MAST1: variants seen among roughly 807,000 people sequenced by gnomAD.
The protein encoded by MAST1 is microtubule associated serine/threonine kinase 1, also known as microtubule-associated serine/threonine-protein kinase 1.
A neutral mutation model predicts 124.6 loss-of-function variants in MAST1; 40 were observed. The ratio of observed to expected loss-of-function variants is 0.32; its 90% confidence interval spans 0.25 to 0.42. The LOEUF (loss-of-function observed/expected upper bound fraction) is 0.42, where lower values mean the gene tolerates loss of function less well. Among genes scored for constraint, MAST1 ranks in the 10% least tolerant of loss-of-function variants. MAST1 has a pLI of 1.00. For missense variants in MAST1, 1,558 were observed against 2,181.9 expected (o/e 0.71, Z 5.70); for synonymous variants, 938 against 939.4 (o/e 1.00, Z 0.03).
Position 12,869,107 on chromosome 19 carries a change from C to T in MAST1, c.2815C>T (p.Pro939Ser), listed in dbSNP as rs1568414805. The change falls in exon 22 of 26, where the codon CCA (proline) becomes TCA (serine). Residue 939 changes from proline (P) to serine (S), a missense_variant. Transcript: ENST00000251472. ...GSSPLASPMS[P>S]RSLSSNPSSR... ...TTCACCCCTTGCTAGTCCCATGTCT[C>T]CACGATCTCTGTCCTCCAACCCATC... The T allele has an allele frequency of 6.2e-7, 1 of 1,614,236 alleles. No homozygotes were observed. The highest frequency in any genetic ancestry group is 1.1e-5 in the South Asian group (1 of 91,088).
intron 3 of MAST1, among the ~76,000 whole-genome samples, chr19:12,842,354 G>C (rs1969841335): frequency 6.6e-6 from 1 of 151,858 alleles, no homozygotes; most frequent in South Asian, 2.1e-4. Context: ...GTGCAATGGC[G>C]GGATCTCGGC....
In MAST1 at chr19:12,841,485, A is replaced by AG. The variant is rs1406608820; in HGVS notation, c.248+423dup. Among the ~76,000 whole-genome samples, 1 of 152,218 alleles carries AG rather than the reference A, an allele frequency of 6.6e-6. No individual in the cohort carries two copies. Among genetic ancestry groups the AG allele is most frequent in the African/African-American group, 2.4e-5 (1 of 41,468 alleles). On this transcript the variant is annotated intron_variant, in intron 3 of 25. Coordinates refer to ENST00000251472, the MANE Select transcript of MAST1 (RefSeq NM_014975.3). The surrounding 1 kb of genome is among the most constrained non-coding windows in gnomAD (Gnocchi z 4.3). ...GGAGGACGACTAGGGCTGTTTCTCA[A>AG]GGGGAGGAATCTCAGGTTTCTTTCC...
chr19:12,866,150 G>A lies in MAST1; in HGVS notation c.2029+48G>A, dbSNP rs1410706513. 1.9e-6 allele frequency: 3 copies of A among 1,596,378 alleles called. No individual in the cohort carries two copies. In the South Asian group the frequency reaches 3.3e-5, roughly 18 times the overall value. On this transcript the variant is annotated intron_variant, in intron 17 of 25. Coordinates refer to ENST00000251472, the MANE Select transcript of MAST1 (RefSeq NM_014975.3). The surrounding 1 kb of genome is among the most constrained non-coding windows in gnomAD (Gnocchi z 5.2). The stretch of plus-strand genomic sequence containing the variant: ...ACCTGGGTCGAGGGGTGGGATCCGG[G>A]AAGAGGGACCCTGGGGTAAGTAAAG...
In MAST1 at chr19:12,854,983, C is replaced by A. The variant is rs895423996; in HGVS notation, c.1077+2588C>A. Among the ~76,000 whole-genome samples the A allele has an allele frequency of 1.2e-4, 18 of 152,260 alleles. 1 individual carries two copies. Among genetic ancestry groups the A allele is most frequent in the Middle Eastern group, 3.4e-3 (1 of 294 alleles). ...TGATGGCTCACGGCTGTAATCCCAG[C>A]ACTTTGAGAGACTGCGGCGGGTGGA... On this transcript the variant is annotated intron_variant, in intron 10 of 25. Coordinates refer to ENST00000251472, the MANE Select transcript of MAST1 (RefSeq NM_014975.3).
At chr19:12,851,807 T>C (rs1195593039) in intron 7 of MAST1, 127 bp from the exon 8 acceptor site, 1 of 690,488 alleles carries the variant, frequency 1.4e-6, no homozygotes, top group African/African-American at 1.8e-5. Context: ...ACTGTGTGGC[T>C]TGGGCTTCAG....
chr19:12,860,569 C>A (rs10410253), intron 12 of MAST1, among the ~76,000 whole-genome samples: 199 of 150,086 alleles, frequency 1.3e-3, no homozygotes, highest in African/African-American at 3.7e-3. Flanking sequence ...CTGAGCCTCC[C>A]GAGTAGCTGG....
chr19:12,842,610 C>A (rs1969844817), intron 3 of MAST1, among the ~76,000 whole-genome samples: 1 of 152,170 alleles, frequency 6.6e-6, no homozygotes, highest in South Asian at 2.1e-4. Context: ...TGTCTCACAG[C>A]CACACGCTTA....
Position 12,867,609 on chromosome 19 carries a change from C to T in MAST1, c.2275C>T (p.Leu759=), listed in dbSNP as rs1970171440. Residue 759 remains leucine, a synonymous_variant, in exon 19 of 26, where the codon CTG becomes TTG. Transcript: ENST00000251472. The stretch of plus-strand genomic sequence containing the variant: ...CGGCAAGCGGGAGGGGCTGGGCGGC[C>T]TGACCCTGCGTGAGAAGACCTGGAG... ...VAGKREGLGG[L]TLREKTWRGG... The T allele has an allele frequency of 1.2e-6, 2 of 1,611,770 alleles. No individual in the cohort carries two copies. The highest frequency in any genetic ancestry group is 2.2e-5 in the East Asian group (1 of 44,848).
At position 12,866,155 on chromosome 19, in the gene MAST1, G is replaced by T; in HGVS notation, c.2029+53G>T. On this transcript the variant is annotated intron_variant, in intron 17 of 25. Coordinates refer to ENST00000251472, the MANE Select transcript of MAST1 (RefSeq NM_014975.3). The surrounding 1 kb of genome is among the most constrained non-coding windows in gnomAD (Gnocchi z 5.2). ...GGTCGAGGGGTGGGATCCGGGAAGA[G>T]GGACCCTGGGGTAAGTAAAGCCTGG... is the stretch of plus-strand genomic sequence containing the variant. The T allele has an allele frequency of 6.2e-7, 1 of 1,608,854 alleles. No homozygotes were observed. Among genetic ancestry groups the T allele is most frequent in the South Asian group, 1.1e-5 (1 of 90,644 alleles).
chr19:12,868,722 G>A lies in MAST1; in HGVS notation c.2646G>A (p.Leu882=), dbSNP rs767217311. ...DASGPRATND[L]VLRRARHQQM... ...CAGGCCCAAGGGCTACCAATGACTT[G>A]GTTCTGCGCCGGGCGCGGCACCAGC... The change falls in exon 21 of 26, where the codon TTG becomes TTA. Residue 882 remains leucine (L), a synonymous_variant. Transcript: ENST00000251472. The A allele has an allele frequency of 1.2e-5, 20 of 1,613,138 alleles. No homozygotes were observed. The highest frequency in any genetic ancestry group is 1.7e-5 in the Non-Finnish European group (20 of 1,179,454).
intron 12 of MAST1, among the ~76,000 whole-genome samples, chr19:12,860,977 G>A (rs1970074663): frequency 6.6e-6 from 1 of 151,876 alleles, no homozygotes. Context: ...GGAGACCCAG[G>A]CACAGACATC....
chr19:12,840,345 G>C (rs1168391248), intron 1 of MAST1, 101 bp from the exon 2 acceptor site: 1 of 753,470 alleles, frequency 1.3e-6, no homozygotes, highest in Non-Finnish European at 2.3e-6. Context: ...ACACATGGAT[G>C]GGAGATAGGC....
At chr19:12,864,763 A>G in intron 12 of MAST1, 46 bp from the exon 13 acceptor site, 1 of 1,610,056 alleles carries the variant, frequency 6.2e-7, no homozygotes. Flanking sequence ...ATGTCCAGAG[A>G]GAGGAATGCC....
Position 12,855,389 on chromosome 19 carries a change from A to C in MAST1, c.1078-2973A>C, listed in dbSNP as rs142870622. ...GTAGTCCCAGCACTTTGGGAAGCCA[A>C]GGTGGCAGGATTGCTTGAGCCCAGG... On this transcript the variant is annotated intron_variant, in intron 10 of 25. Coordinates refer to ENST00000251472, the MANE Select transcript of MAST1 (RefSeq NM_014975.3). Among the ~76,000 whole-genome samples, 11 of 152,246 alleles carry C rather than the reference A, an allele frequency of 7.2e-5. No individual in the cohort carries two copies. The East Asian group carries it at 1.4e-3, about 19-fold the overall frequency.
In MAST1 at chr19:12,838,691, TC is replaced by T; in HGVS notation, c.83+40del. 1.3e-6 allele frequency: 2 copies of T among 1,588,676 alleles called. No individual in the cohort carries two copies. Among genetic ancestry groups the T allele is most frequent in the Non-Finnish European group, 8.6e-7 (1 of 1,163,926 alleles). On this transcript the variant is annotated intron_variant, in intron 1 of 25. Coordinates refer to ENST00000251472, the MANE Select transcript of MAST1 (RefSeq NM_014975.3). The surrounding 1 kb of genome is among the most constrained non-coding windows in gnomAD (Gnocchi z 4.3). ...GATCCCCTAGACATTGTCCCGGCCC[TC>T]CCCGCAAAAGCCGCCGCTCCGGGTA...
chr19:12,858,255 A>G, intron 10 of MAST1, 107 bp from the exon 11 acceptor site: 1 of 956,862 alleles, frequency 1.0e-6, no homozygotes, highest in Non-Finnish European at 1.6e-6. Flanking sequence ...ACTTGGATGA[A>G]GGACTCTTTC....
chr19:12,858,323 G>C (rs747839089), intron 10 of MAST1, 39 bp from the exon 11 acceptor site: 1 of 1,517,650 alleles, frequency 6.6e-7, no homozygotes, highest in South Asian at 1.2e-5. Context: ...CTGCTCTCAT[G>C]ATGATGATGG....
rs144422287 is a variant in MAST1, at chr19:12,847,989, C to G, written c.706C>G (p.Arg236Gly). Residue 236 changes from arginine (R) to glycine (G), a missense_variant, in exon 7 of 26, where the codon CGT becomes GGT. By Grantham distance (125) the Arg-to-Gly change is moderately radical (BLOSUM62 -2). Coordinates refer to ENST00000251472, the MANE Select transcript of MAST1 (RefSeq NM_014975.3). This position sits in a 1 kb window ranked among gnomAD's most constrained non-coding sequence, Gnocchi z 5.5. ...GGCCCGGGACTGCCTGACCAAGTCCCGTGACGGCCTCATCACCACGGTCTA... is the reference window on the plus strand; with the variant it reads ...GGCCCGGGACTGCCTGACCAAGTCCGGTGACGGCCTCATCACCACGGTCTA... ...ELARDCLTKSRDGLITTVYFY... is the reference protein window; with the variant it reads ...ELARDCLTKSGDGLITTVYFY... 1 of 1,614,140 alleles carries G rather than the reference C, an allele frequency of 6.2e-7. No individual in the cohort carries two copies. Among genetic ancestry groups the G allele is most frequent in the East Asian group, 2.2e-5 (1 of 44,872 alleles).
At chr19:12,849,133 G>A (rs887300292) in intron 7 of MAST1, among the ~76,000 whole-genome samples, 4 of 152,024 alleles carry the variant, frequency 2.6e-5, no homozygotes, top group African/African-American at 4.8e-5. Flanking sequence ...TGGTGAGGGT[G>A]GGGGGGTGGA....
Sources: allele counts gnomAD v4.1 joint callset (sites outside exome capture counted in the v4.1 genomes callset), GRCh38; gene constraint gnomAD v4.1.1; non-coding constraint Gnocchi (gnomAD v3.1); transcripts MANE v1.5; gene names NCBI Gene and HGNC (gene_info 2026-07-23, HGNC 2026-07-21).